SOX6: variants seen among roughly 807,000 people sequenced by gnomAD.
SOX6 encodes the protein SRY-box transcription factor 6.
In SOX6, 11 loss-of-function variants were observed where a neutral mutation model predicts 97.8. The observed-to-expected ratio is 0.11, with a 90% CI of 0.07 to 0.19. The LOEUF is 0.19. Ranked by LOEUF, SOX6 falls within the 10% of genes least tolerant of loss-of-function variation. The pLI, the probability that SOX6 is intolerant of heterozygous loss-of-function variation, is 1.00. For synonymous variants in SOX6, 360 were observed against 371.4 expected, an observed-to-expected ratio of 0.97 and a Z score of 0.35; for missense variants, 810 against 1,039.5, an observed-to-expected ratio of 0.78 and a Z score of 3.04.
At chr11:16,016,765 T>C (rs1854898739) in intron 12 of SOX6, among the ~76,000 whole-genome samples, 1 of 152,100 alleles carries the variant, frequency 6.6e-6, no homozygotes, top group African/African-American at 2.4e-5. Flanking sequence ...CTTTGTTTTA[T>C]CACATTGTTT....
At chr11:16,706,871 T>A (rs1312968434) in intron 3 of SOX6, among the ~76,000 whole-genome samples, 1 of 152,178 alleles carries the variant, frequency 6.6e-6, no homozygotes, top group Non-Finnish European at 1.5e-5. Flanking sequence ...AATTCTCCTA[T>A]CTGCACATTG....
intron 3 of SOX6, among the ~76,000 whole-genome samples, chr11:16,698,227 T>C (rs545859329): frequency 6.6e-6 from 1 of 152,204 alleles, no homozygotes; most frequent in Admixed American, 6.5e-5. Flanking sequence ...CTTAGCTAGA[T>C]CTTCTGGGTA....
chr11:16,700,864 G>A (rs1262854170), intron 3 of SOX6, among the ~76,000 whole-genome samples: 3 of 152,094 alleles, frequency 2.0e-5, no homozygotes, highest in Non-Finnish European at 4.4e-5. Flanking sequence ...CACCTTTGAA[G>A]GTAGTTCCTC....
At position 16,302,627 on chromosome 11, in the gene SOX6, G is replaced by A. The variant is rs553128064; in HGVS notation, c.445+15819C>T. ...GCTCTGTCACCCAGGCTGGAGTGCAGTGCACGATCTCAGGTCACTGCAACC... is the reference window on the plus strand; with the variant it reads ...GCTCTGTCACCCAGGCTGGAGTGCAATGCACGATCTCAGGTCACTGCAACC... On this transcript the variant is annotated intron_variant, in intron 3 of 15. Coordinates refer to ENST00000683767, the MANE Select transcript of SOX6 (RefSeq NM_001367873.1). Among the ~76,000 whole-genome samples, 15 of 127,580 alleles carry A rather than the reference G, an allele frequency of 1.2e-4. No individual in the cohort carries two copies. The South Asian group carries it at 3.7e-3, about 31-fold the overall frequency. The allele number at this position is 127,580 out of a possible 152,430, so 83.7% of individuals were successfully genotyped here.
At chr11:16,425,292 CT>C (rs1338391037) in intron 1 of SOX6, among the ~76,000 whole-genome samples, 1 of 152,186 alleles carries the variant, frequency 6.6e-6, no homozygotes, top group African/African-American at 2.4e-5. Flanking sequence ...GTAAATACAC[CT>C]TGATTCCAAT....
In SOX6 at chr11:16,276,989, TTAATC is replaced by T. The variant is rs1332945005; in HGVS notation, c.445+41452_445+41456del. 6.0e-4 allele frequency among the ~76,000 whole-genome samples: 91 copies of T among 152,172 alleles called. 1 individual carries two copies. The highest frequency in any genetic ancestry group is 1.0e-3 in the Non-Finnish European group (70 of 68,018). On this transcript the variant is annotated intron_variant, in intron 3 of 15. Coordinates refer to ENST00000683767, the MANE Select transcript of SOX6 (RefSeq NM_001367873.1). ...CAGTGAGCATTCTAGTAAAAACAGT[TTAATC>T]TAAGACATAAATGCTCACCATGCCT...
intron 4 of SOX6, among the ~76,000 whole-genome samples, chr11:16,498,996 C>G (rs1860656872): frequency 6.6e-6 from 1 of 152,212 alleles, no homozygotes. Context: ...CCCAAATCAA[C>G]AGAATATACA....
chr11:16,533,854 T>C (rs1861271178), intron 4 of SOX6, among the ~76,000 whole-genome samples: 5 of 152,070 alleles, frequency 3.3e-5, no homozygotes, highest in Admixed American at 2.0e-4. Context: ...AAAATTCACA[T>C]AAAAATAAAG....
intron 12 of SOX6, among the ~76,000 whole-genome samples, chr11:16,039,385 T>C (rs761260179): frequency 1.3e-5 from 2 of 152,086 alleles, no homozygotes; most frequent in African/African-American, 2.4e-5. Flanking sequence ...TTAAGGTGAA[T>C]ACAATTAAAA....
chr11:16,266,553 A>C (rs1348751964), intron 3 of SOX6, among the ~76,000 whole-genome samples: 2 of 151,646 alleles, frequency 1.3e-5, no homozygotes, highest in Non-Finnish European at 3.0e-5. Flanking sequence ...AATATTATTT[A>C]ATGATAATTT....
intron 4 of SOX6, among the ~76,000 whole-genome samples, chr11:16,227,963 C>T (rs1341393716): frequency 1.3e-5 from 2 of 151,988 alleles, no homozygotes; most frequent in Admixed American, 1.3e-4. Context: ...TTTGGGAGGC[C>T]AAGGCAGGCG....
chr11:16,644,207 T>C (rs1220193644), intron 3 of SOX6, among the ~76,000 whole-genome samples: 2 of 152,108 alleles, frequency 1.3e-5, no homozygotes, highest in Admixed American at 1.3e-4. Context: ...CACCTGCTAA[T>C]TTTTCTATTT....
chr11:16,362,548 C>A (rs968086810), intron 1 of SOX6, among the ~76,000 whole-genome samples: 2 of 151,914 alleles, frequency 1.3e-5, no homozygotes. Flanking sequence ...CCTTATAGAA[C>A]AGCAAGATAA....
intron 3 of SOX6, among the ~76,000 whole-genome samples, chr11:16,649,950 T>C (rs1048180358): frequency 2.0e-5 from 3 of 152,126 alleles, no homozygotes; most frequent in Non-Finnish European, 4.4e-5. Flanking sequence ...GGATATTCCA[T>C]GCAAATGAAA....
chr11:16,056,296 T>C (rs1374652035), intron 9 of SOX6, among the ~76,000 whole-genome samples: 1 of 152,168 alleles, frequency 6.6e-6, no homozygotes, highest in South Asian at 2.1e-4. Flanking sequence ...ATTCATGAAT[T>C]AAGAAACTAA....
chr11:16,342,744 G>A (rs1856672793), intron 1 of SOX6, among the ~76,000 whole-genome samples: 1 of 151,854 alleles, frequency 6.6e-6, no homozygotes, highest in Admixed American at 6.6e-5. Context: ...AGGGGGCTCA[G>A]ATTTAGTATC....
At chr11:16,313,457 G>A (rs1051205156) in intron 3 of SOX6, 17 of 152,196 alleles carry the variant, frequency 1.1e-4, no homozygotes, top group Admixed American at 8.5e-4. Flanking sequence ...GTGAGGGAGA[G>A]GTGGGTAATG....
At chr11:16,553,411 T>C (rs1300698701) in intron 4 of SOX6, among the ~76,000 whole-genome samples, 1 of 152,174 alleles carries the variant, frequency 6.6e-6, no homozygotes, top group Admixed American at 6.6e-5. Context: ...TAGAACTTTC[T>C]AGAAAAGGGG....
chr11:16,614,075 G>A (rs1367699193), intron 3 of SOX6, among the ~76,000 whole-genome samples: 1 of 152,224 alleles, frequency 6.6e-6, no homozygotes, highest in Non-Finnish European at 1.5e-5. Flanking sequence ...AACTCTCCCA[G>A]CAAAGTATAA....
Sources: gnomAD v4.1 joint callset for allele counts (sites outside exome capture counted in the v4.1 genomes callset) on GRCh38, gnomAD v4.1.1 for gene constraint, MANE v1.5 for transcripts, NCBI Gene and HGNC (gene_info 2026-07-23, HGNC 2026-07-21) for gene names.